Variants in FOXP2 observed in about 807,000 individuals in gnomAD.
FOXP2 encodes the protein forkhead box P2, also known as forkhead box protein P2.
In FOXP2, 12 loss-of-function variants were observed where a neutral mutation model predicts 115.8. The observed-to-expected ratio is 0.10, with a 90% CI of 0.07 to 0.17. FOXP2 has a LOEUF of 0.17. Ranked by LOEUF, FOXP2 falls within the 10% of genes least tolerant of loss-of-function variation. The pLI, the probability that FOXP2 is intolerant of heterozygous loss-of-function variation, is 1.00. For missense variants in FOXP2, 629 were observed against 843.5 expected, an observed-to-expected ratio of 0.75 and a Z score of 3.15; for synonymous variants, 328 against 297.7, an observed-to-expected ratio of 1.10 and a Z score of -1.05.
At chr7:114,183,371 A>G (rs1793507930) in intron 1 of FOXP2, among the ~76,000 whole-genome samples, 1 of 152,138 alleles carries the variant, frequency 6.6e-6, no homozygotes, top group African/African-American at 2.4e-5. Flanking sequence ...TAAACAGAGA[A>G]ATATAAATAA....
chr7:114,413,742 T>G (rs1793230602), upstream of FOXP2, among the ~76,000 whole-genome samples: 1 of 152,158 alleles, frequency 6.6e-6, no homozygotes, highest in Non-Finnish European at 1.5e-5. Context: ...CATCTTTCCC[T>G]CTTCTGTTTA....
intron 2 of FOXP2, among the ~76,000 whole-genome samples, chr7:114,315,408 G>A (rs772309975): frequency 1.3e-4 from 20 of 151,916 alleles, no homozygotes; most frequent in Admixed American, 2.0e-4. Flanking sequence ...CAGGCTCCTC[G>A]GTTTCTATTC....
chr7:114,414,039 C>A (rs1793240513), upstream of FOXP2, among the ~76,000 whole-genome samples: 1 of 152,088 alleles, frequency 6.6e-6, no homozygotes, highest in Non-Finnish European at 1.5e-5. Context: ...TCCTAAAAAA[C>A]TAGTCAGTTC....
intron 1 of FOXP2, among the ~76,000 whole-genome samples, chr7:114,283,766 C>T (rs909238200): frequency 6.6e-6 from 1 of 152,016 alleles, no homozygotes; most frequent in African/African-American, 2.4e-5. Flanking sequence ...AGGTCGAAAC[C>T]AGCTTGGGCA....
chr7:114,494,762 T>C (rs934501772), intron 2 of FOXP2, among the ~76,000 whole-genome samples: 6 of 152,148 alleles, frequency 3.9e-5, no homozygotes, highest in African/African-American at 1.4e-4. Context: ...TAACAAAGAC[T>C]CATGCCACTG....
intron 3 of FOXP2, among the ~76,000 whole-genome samples, chr7:114,559,692 C>T (rs573082794): frequency 6.6e-6 from 1 of 150,726 alleles, no homozygotes; most frequent in Non-Finnish European, 1.5e-5. Context: ...ACCATACTGG[C>T]TAACACGGTG....
At chr7:114,499,199 A>G (rs1797455589) in intron 2 of FOXP2, 3 of 392,292 alleles carry the variant, frequency 7.6e-6, no homozygotes, top group Non-Finnish European at 1.4e-5. Context: ...CTCAATACCT[A>G]TCAAAAGCTT....
intron 1 of FOXP2, among the ~76,000 whole-genome samples, chr7:114,113,218 T>TA (rs1201350464): frequency 6.6e-6 from 1 of 151,616 alleles, no homozygotes; most frequent in Non-Finnish European, 1.5e-5. Flanking sequence ...AAAGAAGAAA[T>TA]AAAAAAAGAC....
intron 1 of FOXP2, among the ~76,000 whole-genome samples, chr7:114,209,379 C>T (rs1377514316): frequency 5.3e-5 from 8 of 152,162 alleles, no homozygotes; most frequent in Non-Finnish European, 1.2e-4. Flanking sequence ...TGAACTAATA[C>T]AGGAGCTTAT....
intron 6 of FOXP2, among the ~76,000 whole-genome samples, chr7:114,633,323 C>A (rs766518236): frequency 6.6e-6 from 1 of 152,058 alleles, no homozygotes; most frequent in Non-Finnish European, 1.5e-5. Flanking sequence ...ATAGAAATTA[C>A]CTGAATTCAA....
intron 1 of FOXP2, among the ~76,000 whole-genome samples, chr7:114,229,027 C>T (rs1794808278): frequency 6.6e-6 from 1 of 151,406 alleles, no homozygotes; most frequent in South Asian, 2.1e-4. Flanking sequence ...TAAGGACACA[C>T]ACAGACTTTA....
At chr7:114,488,259 G>A (rs1796882916) in intron 2 of FOXP2, among the ~76,000 whole-genome samples, 1 of 152,000 alleles carries the variant, frequency 6.6e-6, no homozygotes, top group African/African-American at 2.4e-5. Flanking sequence ...CCACCCCCAT[G>A]ATTCAGTTAC....
At position 114,280,314 on chromosome 7, in the gene FOXP2, T is replaced by C. The variant is rs533235460; in HGVS notation, c.-101-7705T>C. ...AATCAGAATTCATCCTTTAATTTTA[T>C]TGTCTGAAATTCTTTTCCTCTTTCC... is the stretch of plus-strand genomic sequence containing the variant. On this transcript the variant is annotated intron_variant, in intron 1 of 17. Transcript: ENST00000634411. Among the ~76,000 whole-genome samples the C allele has an allele frequency of 4.9e-4, 75 of 152,116 alleles. 1 individual carries two copies. Among genetic ancestry groups the C allele is most frequent in the Non-Finnish European group, 9.9e-4 (67 of 67,988 alleles).
At chr7:114,461,934 G>T (rs1035144286) in intron 2 of FOXP2, among the ~76,000 whole-genome samples, 27 of 152,070 alleles carry the variant, frequency 1.8e-4, no homozygotes, top group African/African-American at 6.5e-4. Context: ...AAATGTATGA[G>T]CTACTCAGAT....
intron 5 of FOXP2, 128 bp from the exon 6 acceptor site, chr7:114,631,400 G>C (rs1383921645): frequency 6.7e-7 from 1 of 1,484,272 alleles, no homozygotes; most frequent in Non-Finnish European, 9.1e-7. Flanking sequence ...TTCTGCCCCT[G>C]AACTTTGACT....
intron 2 of FOXP2, among the ~76,000 whole-genome samples, chr7:114,466,401 C>T (rs1375481106): frequency 6.6e-6 from 1 of 152,074 alleles, no homozygotes; most frequent in Non-Finnish European, 1.5e-5. Flanking sequence ...GTTCAGATGT[C>T]TAAGTATCAA....
At chr7:114,419,809 T>C (rs749596255) in intron 1 of FOXP2, 32 of 151,732 alleles carry the variant, frequency 2.1e-4, no homozygotes, top group South Asian at 4.2e-4. Context: ...CACAATCATG[T>C]GGTTACATTA....
chr7:114,179,516 G>A (rs1016382679), intron 1 of FOXP2, among the ~76,000 whole-genome samples: 10 of 151,704 alleles, frequency 6.6e-5, no homozygotes, highest in African/African-American at 9.7e-5. Flanking sequence ...GCTGGCATGC[G>A]GTCTGCCCTT....
At chr7:114,138,169 C>A (rs532668630) in intron 1 of FOXP2, among the ~76,000 whole-genome samples, 15 of 152,188 alleles carry the variant, frequency 9.9e-5, no homozygotes, top group African/African-American at 3.1e-4. Flanking sequence ...ACTTAACCCC[C>A]AAGGAGGTAC....
Sources: gnomAD v4.1 joint callset for allele counts (sites outside exome capture counted in the v4.1 genomes callset) on GRCh38, gnomAD v4.1.1 for gene constraint, MANE v1.5 for transcripts, NCBI Gene and HGNC (gene_info 2026-07-23, HGNC 2026-07-21) for gene names.